Variants in SOBP observed in about 807,000 individuals in gnomAD.
The protein encoded by SOBP is sine oculis-binding protein homolog.
SOBP carries 4 observed loss-of-function variants against 53.6 expected under a neutral mutation model. The ratio of observed to expected loss-of-function variants is 0.07; its 90% CI spans 0.04 to 0.17. The LOEUF is 0.17. SOBP is among the 10% of genes least tolerant of loss of function. The probability of loss-of-function intolerance (pLI) is 1.00; values close to 1 mark genes in which losing one functional copy is unlikely to be tolerated. For missense variants in SOBP, 1,088 were observed against 1,204.7 expected, an observed-to-expected ratio of 0.90 and a Z score of 1.43; for synonymous variants, 584 against 522.6, an observed-to-expected ratio of 1.12 and a Z score of -1.60.
intron 5 of SOBP, among the ~76,000 whole-genome samples, chr6:107,606,693 G>C (rs976587269): frequency 6.6e-6 from 1 of 152,190 alleles, no homozygotes; most frequent in Non-Finnish European, 1.5e-5. Flanking sequence ...AGGTCTGGGT[G>C]GGGGATAGGG....
chr6:107,510,894 C>T (rs1464624024), intron 3 of SOBP: 1 of 152,166 alleles, frequency 6.6e-6, no homozygotes, highest in Non-Finnish European at 1.5e-5. Flanking sequence ...AGATGAGGAT[C>T]ATGTGTATGC....
chr6:107,496,815 G>C (rs1158768644), intron 1 of SOBP, among the ~76,000 whole-genome samples: 1 of 152,174 alleles, frequency 6.6e-6, no homozygotes, highest in African/African-American at 2.4e-5. Context: ...GTGGGATCAT[G>C]AAAGAGGAAG....
At chr6:107,568,225 C>A (rs879901526) in intron 4 of SOBP, among the ~76,000 whole-genome samples, 1 of 152,094 alleles carries the variant, frequency 6.6e-6, no homozygotes, top group Non-Finnish European at 1.5e-5. Flanking sequence ...AGAGCCACCA[C>A]AAAAACAAAA....
At chr6:107,518,078 C>T (rs971437885) in intron 3 of SOBP, among the ~76,000 whole-genome samples, 32 of 151,980 alleles carry the variant, frequency 2.1e-4, no homozygotes, top group African/African-American at 7.7e-4. Context: ...CACTGAGTAC[C>T]AGATGAAGTT....
intron 3 of SOBP, among the ~76,000 whole-genome samples, chr6:107,508,215 T>C (rs1019572177): frequency 6.6e-6 from 1 of 152,224 alleles, no homozygotes; most frequent in Admixed American, 6.5e-5. Flanking sequence ...ATACTTACAC[T>C]GTATTCTAAG....
At chr6:107,641,106 T>C (rs1195659294) in intron 6 of SOBP, among the ~76,000 whole-genome samples, 1 of 152,254 alleles carries the variant, frequency 6.6e-6, no homozygotes, top group African/African-American at 2.4e-5. Context: ...TATCTTACCT[T>C]ATTATGGAGC....
chr6:107,536,949 G>A (rs1784016769), intron 4 of SOBP, among the ~76,000 whole-genome samples: 1 of 152,174 alleles, frequency 6.6e-6, no homozygotes, highest in South Asian at 2.1e-4. Flanking sequence ...TAGTCTGTGG[G>A]CATTGTATGG....
intron 4 of SOBP, among the ~76,000 whole-genome samples, chr6:107,579,562 T>C (rs1442440026): frequency 6.6e-6 from 1 of 152,174 alleles, no homozygotes; most frequent in Non-Finnish European, 1.5e-5. Context: ...TTCAGGCTGA[T>C]GTGGAATCTG....
intron 4 of SOBP, among the ~76,000 whole-genome samples, chr6:107,546,082 T>C (rs76976838): frequency 0.019 from 2,850 of 152,326 alleles, 45 homozygotes; most frequent in East Asian, 0.054. Context: ...TCAGGAAATT[T>C]GGAAGACGTA....
At chr6:107,503,577 C>A in intron 1 of SOBP, 80 bp from the exon 2 acceptor site, 1 of 1,486,064 alleles carries the variant, frequency 6.7e-7, no homozygotes, top group Admixed American at 1.7e-5. Context: ...TGAGGTAGGA[C>A]AAGCAGAATT....
intron 3 of SOBP, among the ~76,000 whole-genome samples, chr6:107,523,933 C>G (rs1427438607): frequency 2.6e-5 from 4 of 152,170 alleles, no homozygotes; most frequent in Non-Finnish European, 5.9e-5. Flanking sequence ...CATTTGCAGC[C>G]CATCATACAG....
At position 107,659,707 on chromosome 6, in the gene SOBP, C is replaced by T. The variant is rs933130082; in HGVS notation, c.*1504C>T. The T allele has an allele frequency of 5.9e-5, 9 of 152,850 alleles. No individual in the cohort carries two copies. The highest frequency in any genetic ancestry group is 1.9e-4 in the African/African-American group (8 of 41,566). The allele number at this position is 152,850 out of a possible 1,614,324, so 9.5% of individuals were successfully genotyped here. A position where few individuals can be genotyped will look rare whatever the true frequency, so the allele number is the denominator to read the frequency against. ...AGGGCCAGGACGGTGTGGCGCCAGC[C>T]TTGAAGCACCACGGCCCAAGGATGC... On this transcript the variant is annotated 3_prime_UTR_variant, in exon 7 of 7. Coordinates refer to ENST00000317357, the MANE Select transcript of SOBP (RefSeq NM_018013.4).
chr6:107,626,603 G>T (rs1770471351), intron 5 of SOBP, among the ~76,000 whole-genome samples: 1 of 152,132 alleles, frequency 6.6e-6, no homozygotes, highest in Admixed American at 6.5e-5. Context: ...CACCCATGAT[G>T]GGCCCTGAAT....
At chr6:107,588,291 A>G (rs185023733) in intron 5 of SOBP, among the ~76,000 whole-genome samples, 1 of 152,218 alleles carries the variant, frequency 6.6e-6, no homozygotes, top group African/African-American at 2.4e-5. Context: ...CGCAGTAGCT[A>G]CATGTTGACA....
At position 107,490,573 on chromosome 6, in the gene SOBP, G is replaced by T; in HGVS notation, c.-44G>T. On this transcript the variant is annotated 5_prime_UTR_variant, in exon 1 of 7. Transcript: ENST00000317357. Reference sequence around the variant, plus strand: ...GCCGCCGCCACCACCACCGCCGGCGGCGGCAGCAGCCATTTCATCTCCACA... The same window carrying T: ...GCCGCCGCCACCACCACCGCCGGCGTCGGCAGCAGCCATTTCATCTCCACA... The T allele has an allele frequency of 6.8e-7, 1 of 1,472,846 alleles. No homozygotes were observed. The allele number at this position is 1,472,846 out of a possible 1,614,324, so 91.2% of individuals were successfully genotyped here.
chr6:107,610,982 G>C (rs1174568731), intron 5 of SOBP, among the ~76,000 whole-genome samples: 1 of 152,254 alleles, frequency 6.6e-6, no homozygotes, highest in Non-Finnish European at 1.5e-5. Context: ...ATTCTGGCAG[G>C]CTGGAGAGAG....
intron 4 of SOBP, among the ~76,000 whole-genome samples, chr6:107,541,307 G>T (rs1562600239): frequency 6.6e-6 from 1 of 152,108 alleles, no homozygotes; most frequent in Admixed American, 6.5e-5. Flanking sequence ...GAGCTTTGGA[G>T]GCATGTAGGA....
intron 3 of SOBP, among the ~76,000 whole-genome samples, chr6:107,521,107 G>A: frequency 6.7e-6 from 1 of 148,264 alleles, no homozygotes; most frequent in East Asian, 1.9e-4. Flanking sequence ...ATTACCAAAT[G>A]TCCCCTGGGG....
intron 4 of SOBP, among the ~76,000 whole-genome samples, chr6:107,565,018 C>T (rs1380728641): frequency 6.6e-6 from 1 of 152,206 alleles, no homozygotes; most frequent in Non-Finnish European, 1.5e-5. Flanking sequence ...CAAGAGATGG[C>T]TATTGAGAGC....
Sources: allele counts gnomAD v4.1 joint callset (sites outside exome capture counted in the v4.1 genomes callset), GRCh38; gene constraint gnomAD v4.1.1; transcripts MANE v1.5; gene names NCBI Gene and HGNC (gene_info 2026-07-23, HGNC 2026-07-21).